CDKAL1: variants seen among roughly 807,000 people sequenced by gnomAD.
CDKAL1 encodes the protein CDKAL1 threonylcarbamoyladenosine tRNA methylthiotransferase.
A neutral mutation model predicts 68.2 loss-of-function variants in CDKAL1; 32 were observed. The observed-to-expected ratio is 0.47, with a 90% CI of 0.35 to 0.63. CDKAL1 has a LOEUF of 0.63. CDKAL1 is among the 30% of genes least tolerant of loss of function. The pLI, the probability that CDKAL1 is intolerant of heterozygous loss-of-function variation, is 0.00. For synonymous variants in CDKAL1, 234 were observed against 244.3 expected (o/e 0.96, Z 0.39); for missense variants, 606 against 696.7 (o/e 0.87, Z 1.47).
intron 10 of CDKAL1, among the ~76,000 whole-genome samples, chr6:20,998,749 T>TA (rs1767260758): frequency 6.6e-6 from 1 of 152,200 alleles, no homozygotes; most frequent in Non-Finnish European, 1.5e-5. Flanking sequence ...TAGTAGTCTA[T>TA]ATGTAACAAG....
chr6:20,978,490 A>G (rs939477601), intron 10 of CDKAL1, among the ~76,000 whole-genome samples: 1 of 152,242 alleles, frequency 6.6e-6, no homozygotes, highest in Non-Finnish European at 1.5e-5. Context: ...GCAGAAATAT[A>G]TAATTATGAC....
At chr6:21,083,475 A>G (rs1424658005) in intron 12 of CDKAL1, among the ~76,000 whole-genome samples, 4 of 152,092 alleles carry the variant, frequency 2.6e-5, no homozygotes, top group African/African-American at 9.7e-5. Context: ...AGTCATAGAT[A>G]TTTTGCTGCT....
chr6:21,034,990 C>T (rs1475134567), intron 11 of CDKAL1, among the ~76,000 whole-genome samples: 2 of 152,064 alleles, frequency 1.3e-5, no homozygotes, highest in Non-Finnish European at 2.9e-5. Flanking sequence ...GGTAGATTGT[C>T]TACATATCTC....
chr6:20,981,159 T>A (rs1210242349), intron 10 of CDKAL1, among the ~76,000 whole-genome samples: 1 of 152,214 alleles, frequency 6.6e-6, no homozygotes, highest in Non-Finnish European at 1.5e-5. Context: ...TTTTTGAACT[T>A]CTTTTATATA....
At chr6:20,712,106 G>T (rs1288362456) in intron 5 of CDKAL1, among the ~76,000 whole-genome samples, 6 of 152,092 alleles carry the variant, frequency 3.9e-5, no homozygotes, top group Admixed American at 3.9e-4. Flanking sequence ...AAGCAAATGG[G>T]GTGTGTAGGG....
rs1304212827 is a variant in CDKAL1, at chr6:21,231,158, C to T, written c.*119C>T. 7 of 683,904 alleles carry T rather than the reference C, an allele frequency of 1.0e-5. No individual in the cohort carries two copies. The highest frequency in any genetic ancestry group is 1.4e-5 in the Non-Finnish European group (6 of 436,006). The allele number at this position is 683,904 out of a possible 1,614,324, so 42.4% of individuals were successfully genotyped here. A position where few individuals can be genotyped will look rare whatever the true frequency, so the allele number is the denominator to read the frequency against. On this transcript the variant is annotated 3_prime_UTR_variant, in exon 16 of 16. Coordinates refer to ENST00000274695, the MANE Select transcript of CDKAL1 (RefSeq NM_017774.3). The stretch of plus-strand genomic sequence containing the variant: ...ATAATTTGTACTGGTCATGCTGCCT[C>T]CTTCTCAGCCACTCTTCTTAATGAG...
intron 12 of CDKAL1, among the ~76,000 whole-genome samples, chr6:21,107,716 G>A (rs1026771484): frequency 1.3e-5 from 2 of 152,170 alleles, no homozygotes; most frequent in Admixed American, 1.3e-4. Context: ...ACAAGCATGA[G>A]CCACCATGCT....
intron 4 of CDKAL1, among the ~76,000 whole-genome samples, chr6:20,613,994 G>T (rs1173151344): frequency 7.3e-5 from 11 of 151,146 alleles, no homozygotes; most frequent in Non-Finnish European, 1.2e-4. Context: ...AGTTTTTTTT[G>T]ATCTTTGCCC....
At chr6:21,132,288 C>T (rs1158610144) in intron 13 of CDKAL1, among the ~76,000 whole-genome samples, 6 of 151,886 alleles carry the variant, frequency 4.0e-5, no homozygotes, top group East Asian at 1.9e-4. Flanking sequence ...GGTGTACACG[C>T]GCAGTAGATT....
At chr6:21,086,882 A>G (rs573327203) in intron 12 of CDKAL1, among the ~76,000 whole-genome samples, 1 of 152,292 alleles carries the variant, frequency 6.6e-6, no homozygotes, top group East Asian at 1.9e-4. Flanking sequence ...ATAGTCCCTC[A>G]TTTTTAATTC....
rs368097465 is a variant in CDKAL1, at chr6:21,000,262, C to A, written c.945C>A (p.Tyr315Ter). Residue 315 changes from tyrosine to a stop codon, truncating the protein, a stop_gained, in exon 11 of 16, where the codon TAC becomes TAA. Transcript: ENST00000274695. LOFTEE classifies it high-confidence loss of function. ...AAATCCTTAATCACCCCAGAGTCTA[C>A]GCTTTTCTGCACATACCAGTCCAGT... ...MAKILNHPRV[Y>*]AFLHIPVQSA... is the part of the protein sequence containing the mutation. 6.2e-7 allele frequency: 1 copy of A among 1,613,830 alleles called. No homozygotes were observed. Among genetic ancestry groups the A allele is most frequent in the South Asian group, 1.1e-5 (1 of 91,034 alleles).
At chr6:20,994,703 T>C (rs998091786) in intron 10 of CDKAL1, among the ~76,000 whole-genome samples, 3 of 152,234 alleles carry the variant, frequency 2.0e-5, no homozygotes, top group African/African-American at 7.2e-5. Flanking sequence ...GTAAAAGTTA[T>C]GTTTATACTA....
At chr6:20,789,364 A>G (rs1005266346) in intron 8 of CDKAL1, among the ~76,000 whole-genome samples, 1 of 152,234 alleles carries the variant, frequency 6.6e-6, no homozygotes, top group Non-Finnish European at 1.5e-5. Flanking sequence ...ATAGGCTCAT[A>G]CCTGCGAAGT....
intron 10 of CDKAL1, among the ~76,000 whole-genome samples, chr6:20,956,803 A>G (rs1764797433): frequency 6.6e-6 from 1 of 152,138 alleles, no homozygotes; most frequent in Non-Finnish European, 1.5e-5. Context: ...ATAAATACAT[A>G]ATGAGGGAGT....
intron 15 of CDKAL1, among the ~76,000 whole-genome samples, chr6:21,205,811 G>A (rs1260453330): frequency 7.9e-5 from 11 of 140,082 alleles, no homozygotes; most frequent in South Asian, 2.3e-4. Flanking sequence ...GATTACATGC[G>A]TGAGCCCCCG....
chr6:20,687,810 G>A (rs1770693194), intron 5 of CDKAL1, among the ~76,000 whole-genome samples: 1 of 152,074 alleles, frequency 6.6e-6, no homozygotes. Flanking sequence ...ATAGGCATGA[G>A]CCACCTTGCC....
intron 8 of CDKAL1, chr6:20,800,509 G>A (rs1776322982): frequency 6.6e-6 from 1 of 152,142 alleles, no homozygotes. Context: ...TATGCCCATT[G>A]TCTCTTATGA....
rs57097019 is a variant in CDKAL1 at position 21,217,294 on chromosome 6, CTTTTTTT to C, written c.1549-13543_1549-13537del. On this transcript the variant is annotated intron_variant, in intron 15 of 15. Transcript: ENST00000274695. The stretch of plus-strand genomic sequence containing the variant: ...TCATTGATGTTTAGGATTTCTTTTT[CTTTTTTT>C]TTTTTTTTTTGAGTCAGGGTCTTGC... Among the ~76,000 whole-genome samples, 355 of 142,900 alleles carry C rather than the reference CTTTTTTT, an allele frequency of 2.5e-3. 2 individuals are homozygous for C. Among genetic ancestry groups the C allele is most frequent in the African/African-American group, 7.7e-3 (306 of 39,544 alleles). The allele number at this position is 142,900 out of a possible 152,430, so 93.7% of individuals were successfully genotyped here.
chr6:20,644,763 T>C (rs891606162), intron 4 of CDKAL1, among the ~76,000 whole-genome samples: 20 of 152,196 alleles, frequency 1.3e-4, no homozygotes, highest in Admixed American at 2.0e-4. Context: ...CCTAAAAGAT[T>C]ATGTAATTTT....
Sources: gnomAD v4.1 joint callset for allele counts (sites outside exome capture counted in the v4.1 genomes callset) on GRCh38, gnomAD v4.1.1 for gene constraint, MANE v1.5 for transcripts, NCBI Gene and HGNC (gene_info 2026-07-23, HGNC 2026-07-21) for gene names.